TMPRSS11F: variants seen among roughly 807,000 people sequenced by gnomAD.
The protein encoded by TMPRSS11F is transmembrane protease serine 11F.
A neutral mutation model predicts 60.2 loss-of-function variants in TMPRSS11F; 47 were observed. The ratio of observed to expected loss-of-function variants is 0.78; its 90% CI spans 0.62 to 1.00. TMPRSS11F has a LOEUF of 1.00. TMPRSS11F is among the 50% of genes least tolerant of loss of function. The pLI is 0.00. For synonymous variants in TMPRSS11F, 166 were observed against 167.3 expected (o/e 0.99, Z 0.06); for missense variants, 519 against 522.9 (o/e 0.99, Z 0.07).
chr4:68,105,398 G>C (rs1391743448), intron 1 of TMPRSS11F, among the ~76,000 whole-genome samples: 1 of 152,012 alleles, frequency 6.6e-6, no homozygotes. Context: ...CTCTAAACTA[G>C]TGATGGGTTT....
intron 1 of TMPRSS11F, among the ~76,000 whole-genome samples, chr4:68,112,931 C>T (rs1024877599): frequency 9.9e-5 from 15 of 152,160 alleles, no homozygotes; most frequent in African/African-American, 3.1e-4. Flanking sequence ...AATCTTCCCT[C>T]TACAAAATTT....
At chr4:68,076,850 A>G (rs965585443) in intron 3 of TMPRSS11F, among the ~76,000 whole-genome samples, 3 of 152,228 alleles carry the variant, frequency 2.0e-5, no homozygotes, top group Non-Finnish European at 4.4e-5. Flanking sequence ...CTTGGCTCAC[A>G]AAGGGAAATA....
intron 1 of TMPRSS11F, among the ~76,000 whole-genome samples, chr4:68,106,018 A>G (rs989105023): frequency 1.3e-5 from 2 of 152,216 alleles, no homozygotes; most frequent in Non-Finnish European, 2.9e-5. Flanking sequence ...ATCCATTAAT[A>G]ATTCTATGTG....
intron 7 of TMPRSS11F, among the ~76,000 whole-genome samples, chr4:68,068,044 A>G (rs969340934): frequency 9.9e-5 from 15 of 152,096 alleles, no homozygotes; most frequent in Admixed American, 9.8e-4. Context: ...AAACAGAGAG[A>G]TTTTGCTGGG....
Position 68,082,526 on chromosome 4 carries a change from C to A in TMPRSS11F, c.282+7997G>T, listed in dbSNP as rs189723943. 8.4e-4 allele frequency among the ~76,000 whole-genome samples: 128 copies of A among 152,356 alleles called. 2 individuals carry two copies. The East Asian group carries it at 0.023, about 27-fold the overall frequency. On this transcript the variant is annotated intron_variant, in intron 3 of 9. Transcript: ENST00000356291. ...CAGCTGGCTGTCCACCAGCCCCTCCCAAGGATGCTACCTGGCTGCTCCCAC... is the reference window on the plus strand; with the variant it reads ...CAGCTGGCTGTCCACCAGCCCCTCCAAAGGATGCTACCTGGCTGCTCCCAC...
At chr4:68,123,458 A>C (rs10023037) in intron 1 of TMPRSS11F, among the ~76,000 whole-genome samples, 47,230 of 152,062 alleles carry the variant, frequency 0.31, 7,479 homozygotes, top group East Asian at 0.49. Flanking sequence ...TTTTTACCTG[A>C]TAATATCCGA....
At chr4:68,120,376 C>CTTTTTTT (rs34843345) in intron 1 of TMPRSS11F, among the ~76,000 whole-genome samples, 8 of 123,800 alleles carry the variant, frequency 6.5e-5, no homozygotes, top group African/African-American at 2.2e-4. Flanking sequence ...ACAGAGAAAT[C>CTTTTTTT]TTTTTTTTTT....
At position 68,068,785 on chromosome 4, in the gene TMPRSS11F, T is replaced by A; in HGVS notation, c.588A>T (p.Pro196=). The A allele has an allele frequency of 6.2e-7, 1 of 1,614,198 alleles. No homozygotes were observed. The highest frequency in any genetic ancestry group is 8.5e-7 in the Non-Finnish European group (1 of 1,180,038). The change falls in exon 7 of 10, where the codon CCA becomes CCT. Residue 196 remains proline (P), a synonymous_variant. Coordinates refer to ENST00000356291, the MANE Select transcript of TMPRSS11F (RefSeq NM_207407.2). ...CGIRMTSSNM[P]LPASSSTQRI... Reference sequence around the variant, plus strand: ...TTTGAGTAGAAGAGGATGCTGGTAATGGCATGTTTGAAGATGTCATCCTTA... The same window carrying A: ...TTTGAGTAGAAGAGGATGCTGGTAAAGGCATGTTTGAAGATGTCATCCTTA...
At chr4:68,096,454 T>G (rs1472785490) in intron 2 of TMPRSS11F, among the ~76,000 whole-genome samples, 1 of 152,160 alleles carries the variant, frequency 6.6e-6, no homozygotes, top group East Asian at 1.9e-4. Flanking sequence ...ATTGAAAAAT[T>G]TTATGGAGTT....
chr4:68,077,977 G>A (rs1024381019), intron 3 of TMPRSS11F, among the ~76,000 whole-genome samples: 7 of 152,134 alleles, frequency 4.6e-5, no homozygotes, highest in African/African-American at 9.7e-5. Context: ...GGATGAGCAC[G>A]TTGGGAGATG....
intron 9 of TMPRSS11F, among the ~76,000 whole-genome samples, chr4:68,055,066 G>C (rs1723015720): frequency 6.6e-6 from 1 of 152,164 alleles, no homozygotes; most frequent in Non-Finnish European, 1.5e-5. Context: ...TAGGCAGAGG[G>C]AACAGTATTG....
intron 9 of TMPRSS11F, among the ~76,000 whole-genome samples, chr4:68,056,128 G>T (rs1209489709): frequency 2.0e-5 from 3 of 152,066 alleles, no homozygotes; most frequent in African/African-American, 7.2e-5. Context: ...ACATCAAAAG[G>T]ATATCTACTC....
At chr4:68,060,515 CAAA>C (rs71218926) in intron 8 of TMPRSS11F, among the ~76,000 whole-genome samples, 1 of 29,638 alleles carries the variant, frequency 3.4e-5, no homozygotes, top group African/African-American at 1.6e-4. Flanking sequence ...GACTCCAACT[CAAA>C]AAAAAAAAAA....
At chr4:68,084,767 G>T (rs1257047469) in intron 3 of TMPRSS11F, among the ~76,000 whole-genome samples, 1 of 149,754 alleles carries the variant, frequency 6.7e-6, no homozygotes, top group East Asian at 2.0e-4. Context: ...AAGTTTTAGG[G>T]TACATGTGCA....
intron 3 of TMPRSS11F, among the ~76,000 whole-genome samples, chr4:68,083,586 G>A (rs989600050): frequency 9.9e-5 from 15 of 151,976 alleles, no homozygotes; most frequent in African/African-American, 3.6e-4. Context: ...TTGGCCCTCT[G>A]AAAGCACCAA....
chr4:68,122,211 A>T (rs963678428), intron 1 of TMPRSS11F, among the ~76,000 whole-genome samples: 4 of 152,208 alleles, frequency 2.6e-5, no homozygotes, highest in Non-Finnish European at 5.9e-5. Context: ...AACTGTGTGT[A>T]TAGTTAAAAC....
Position 68,090,516 on chromosome 4 carries a change from A to T in TMPRSS11F, c.282+7T>A. ...TAATAAACATTTAAAATTTCTGTTGAGCTTACCATTCTTTCAATCTGATGA... is the reference window on the plus strand; with the variant it reads ...TAATAAACATTTAAAATTTCTGTTGTGCTTACCATTCTTTCAATCTGATGA... On this transcript the variant is annotated splice_region_variant and intron_variant, in intron 3 of 9. Transcript: ENST00000356291. The T allele has an allele frequency of 1.9e-6, 3 of 1,577,366 alleles. No homozygotes were observed. Among genetic ancestry groups the T allele is most frequent in the Middle Eastern group, 1.7e-4 (1 of 5,840 alleles).
chr4:68,115,146 G>A (rs553507019), intron 1 of TMPRSS11F, among the ~76,000 whole-genome samples: 85 of 151,468 alleles, frequency 5.6e-4, no homozygotes, highest in African/African-American at 1.9e-3. Flanking sequence ...TCAGGAGATC[G>A]AGACCATCCT....
intron 1 of TMPRSS11F, among the ~76,000 whole-genome samples, chr4:68,122,551 T>C (rs2109890119): frequency 6.6e-6 from 1 of 152,330 alleles, no homozygotes; most frequent in East Asian, 1.9e-4. Context: ...TTTCTCAACA[T>C]TAGCATATGA....
Sources: gnomAD v4.1 joint callset for allele counts (sites outside exome capture counted in the v4.1 genomes callset) on GRCh38, gnomAD v4.1.1 for gene constraint, MANE v1.5 for transcripts, NCBI Gene and HGNC (gene_info 2026-07-23, HGNC 2026-07-21) for gene names.